The following SLC25A21 variants were observed in gnomAD, a reference collection of about 807,000 sequenced individuals.
SLC25A21 encodes the protein mitochondrial 2-oxodicarboxylate carrier.
SLC25A21 carries 47 observed loss-of-function variants against 43.8 expected under a neutral mutation model. That is an observed-to-expected ratio of 1.07 (90% confidence interval 0.85 to 1.37). The LOEUF (loss-of-function observed/expected upper bound fraction) is 1.37, where lower values mean the gene tolerates loss of function less well. SLC25A21 is among the 40% of genes most tolerant of loss of function. SLC25A21 has a pLI of 0.00. For missense variants in SLC25A21, 352 were observed against 350.2 expected (o/e 1.00, Z -0.04); for synonymous variants, 131 against 121.3 (o/e 1.08, Z -0.52).
intron 6 of SLC25A21, among the ~76,000 whole-genome samples, chr14:36,715,765 T>C (rs987212477): frequency 6.6e-6 from 1 of 152,202 alleles, no homozygotes; most frequent in African/African-American, 2.4e-5. Flanking sequence ...GAATCAAATA[T>C]CTGCTTAAAA....
intron 1 of SLC25A21, among the ~76,000 whole-genome samples, chr14:36,943,285 G>A (rs145179065): frequency 0.018 from 2,699 of 152,146 alleles, 73 homozygotes; most frequent in African/African-American, 0.061. Context: ...TCTGCCTCCC[G>A]GGTTCAAGTG....
At chr14:36,946,612 A>G (rs1892685367) in intron 1 of SLC25A21, among the ~76,000 whole-genome samples, 1 of 152,192 alleles carries the variant, frequency 6.6e-6, no homozygotes, top group African/African-American at 2.4e-5. Flanking sequence ...GTTAAATACC[A>G]GGTAGGTGAA....
At chr14:37,019,652 TA>T (rs111377352) in intron 1 of SLC25A21, among the ~76,000 whole-genome samples, 65,638 of 150,742 alleles carry the variant, frequency 0.44, 17,026 homozygotes, top group African/African-American at 0.74. Context: ...AGACAACTGG[TA>T]AAAAAAAATT....
chr14:37,070,302 T>C (rs1426602220), intron 1 of SLC25A21, among the ~76,000 whole-genome samples: 37 of 152,188 alleles, frequency 2.4e-4, no homozygotes, highest in Admixed American at 2.3e-3. Flanking sequence ...CAATCTGTTA[T>C]CCATGAGCTT....
chr14:36,830,027 A>G (rs1272845238), intron 2 of SLC25A21, among the ~76,000 whole-genome samples: 6 of 152,146 alleles, frequency 3.9e-5, no homozygotes, highest in Non-Finnish European at 8.8e-5. Context: ...TTCTAGTAAA[A>G]CACCATGCAG....
intron 7 of SLC25A21, among the ~76,000 whole-genome samples, chr14:36,694,114 C>T (rs1420549369): frequency 2.0e-5 from 3 of 151,924 alleles, no homozygotes; most frequent in Non-Finnish European, 1.5e-5. Flanking sequence ...GCCCTGTGTC[C>T]AAGTGATCTC....
intron 1 of SLC25A21, among the ~76,000 whole-genome samples, chr14:36,899,826 T>C (rs563803641): frequency 8.0e-4 from 122 of 152,328 alleles, no homozygotes; most frequent in African/African-American, 2.8e-3. Flanking sequence ...AAGGGGATAA[T>C]TGTGTTTTAA....
chr14:36,767,612 T>C (rs1278427311), intron 3 of SLC25A21, among the ~76,000 whole-genome samples: 8 of 152,156 alleles, frequency 5.3e-5, no homozygotes. Flanking sequence ...TTGGAGTGAG[T>C]CAAATGTGTA....
chr14:36,924,873 A>T (rs2138629225), intron 1 of SLC25A21, among the ~76,000 whole-genome samples: 1 of 152,230 alleles, frequency 6.6e-6, no homozygotes, highest in Middle Eastern at 3.4e-3. Context: ...ATATGCAAAT[A>T]CTATGCTATT....
chr14:36,897,269 C>G (rs557871901), intron 1 of SLC25A21, among the ~76,000 whole-genome samples: 1 of 152,226 alleles, frequency 6.6e-6, no homozygotes, highest in Non-Finnish European at 1.5e-5. Context: ...AACTTCTCTT[C>G]TCGCTTCTTT....
At chr14:37,123,334 C>A (rs977899426) in intron 1 of SLC25A21, among the ~76,000 whole-genome samples, 5 of 152,094 alleles carry the variant, frequency 3.3e-5, no homozygotes, top group Middle Eastern at 3.2e-3. Context: ...TGAAAACAAG[C>A]ACCTATAACT....
At chr14:36,902,440 AACACACAC>A (rs3061763) in intron 1 of SLC25A21, among the ~76,000 whole-genome samples, 3 of 150,044 alleles carry the variant, frequency 2.0e-5, no homozygotes, top group Admixed American at 6.6e-5. Flanking sequence ...CGTATAGTAA[AACACACAC>A]ACACACACAC....
chr14:36,889,082 G>T (rs1190768227), intron 1 of SLC25A21, among the ~76,000 whole-genome samples: 1 of 152,080 alleles, frequency 6.6e-6, no homozygotes, highest in South Asian at 2.1e-4. Context: ...TTCTACACTG[G>T]CCTCTTTGCT....
intron 5 of SLC25A21, 92 bp downstream of exon 5, chr14:36,729,415 A>T: frequency 1.1e-6 from 1 of 945,412 alleles, no homozygotes. Flanking sequence ...ATATTTTAGT[A>T]GCTGGGCTTG....
At chr14:37,132,246 T>C (rs1276399701) in intron 1 of SLC25A21, among the ~76,000 whole-genome samples, 1 of 152,140 alleles carries the variant, frequency 6.6e-6, no homozygotes, top group African/African-American at 2.4e-5. Flanking sequence ...CATTGTTGTA[T>C]TGGGGATTAC....
At chr14:36,981,511 A>G (rs1172126407) in intron 1 of SLC25A21, among the ~76,000 whole-genome samples, 1 of 152,240 alleles carries the variant, frequency 6.6e-6, no homozygotes, top group Non-Finnish European at 1.5e-5. Context: ...TGCAGCCATA[A>G]AAAAGGATAA....
At chr14:37,163,903 T>G (rs1963990233) in intron 1 of SLC25A21, among the ~76,000 whole-genome samples, 1 of 152,156 alleles carries the variant, frequency 6.6e-6, no homozygotes, top group Non-Finnish European at 1.5e-5. Context: ...TTCTATGGCT[T>G]AGACTTTTCA....
intron 1 of SLC25A21, among the ~76,000 whole-genome samples, chr14:37,099,069 C>T (rs1962766380): frequency 6.6e-6 from 1 of 152,110 alleles, no homozygotes. Context: ...TCCCAAAGTG[C>T]TGGGATTACA....
chr14:37,126,112 C>T (rs1467903704), intron 1 of SLC25A21, among the ~76,000 whole-genome samples: 1 of 152,194 alleles, frequency 6.6e-6, no homozygotes, highest in East Asian at 1.9e-4. Context: ...CACCGCTGCA[C>T]TGTGGCCTGG....
Sources: gnomAD v4.1 joint callset for allele counts (sites outside exome capture counted in the v4.1 genomes callset) on GRCh38, gnomAD v4.1.1 for gene constraint, MANE v1.5 for transcripts, NCBI Gene and HGNC (gene_info 2026-07-23, HGNC 2026-07-21) for gene names.